Variants in LRRK1 observed in about 807,000 individuals in gnomAD.
LRRK1 encodes the protein leucine-rich repeat serine/threonine-protein kinase 1.
LRRK1 carries 113 observed loss-of-function variants against 209.1 expected under a neutral mutation model. The observed-to-expected ratio is 0.54, with a 90% CI of 0.46 to 0.63. The LOEUF is 0.63. Ranked by LOEUF, LRRK1 falls within the 30% of genes least tolerant of loss-of-function variation. LRRK1 has a pLI of 0.00. For missense variants in LRRK1, 2,284 were observed against 2,632.2 expected (o/e 0.87, Z 2.89); for synonymous variants, 1,144 against 1,099.7 (o/e 1.04, Z -0.80).
intron 3 of LRRK1, among the ~76,000 whole-genome samples, chr15:100,974,922 C>T (rs548814439): frequency 3.4e-4 from 52 of 152,306 alleles, no homozygotes; most frequent in Non-Finnish European, 4.7e-4. Flanking sequence ...TTATTTGCAT[C>T]ACTTTGATTA....
intron 20 of LRRK1, among the ~76,000 whole-genome samples, chr15:101,043,475 A>G (rs1368576390): frequency 6.6e-6 from 1 of 152,084 alleles, no homozygotes; most frequent in Non-Finnish European, 1.5e-5. Context: ...TGTTTACAAC[A>G]TTGCCGGATC....
chr15:100,963,066 G>T (rs1024934316), intron 2 of LRRK1, among the ~76,000 whole-genome samples: 2 of 151,170 alleles, frequency 1.3e-5, no homozygotes, highest in Non-Finnish European at 2.9e-5. Context: ...CAGGTAATCT[G>T]CCGGCCTCGG....
intron 4 of LRRK1, 111 bp from the exon 5 acceptor site, chr15:100,988,523 C>A (rs1372290601): frequency 7.2e-6 from 7 of 969,202 alleles, no homozygotes; most frequent in Non-Finnish European, 1.2e-5. Flanking sequence ...GCAAATGTAC[C>A]ACATTTTATT....
At chr15:101,023,012 C>T (rs1315539527) in intron 15 of LRRK1, among the ~76,000 whole-genome samples, 2 of 152,094 alleles carry the variant, frequency 1.3e-5, no homozygotes, top group African/African-American at 2.4e-5. Context: ...TCCCAGGCCT[C>T]ACCTCACTGC....
rs375606803 is a variant in LRRK1 at position 100,938,997 on chromosome 15, A to T, written c.97+14268A>T. Among the ~76,000 whole-genome samples, 8 of 152,306 alleles carry T rather than the reference A, an allele frequency of 5.3e-5. No individual in the cohort carries two copies. The South Asian group carries it at 1.7e-3, about 32-fold the overall frequency. On this transcript the variant is annotated intron_variant, in intron 2 of 33. Coordinates refer to ENST00000388948, the MANE Select transcript of LRRK1 (RefSeq NM_024652.6). ...AATCCCAGCTACTCGGGAGACTGAG[A>T]CAGGAGAATCGCTTGAACCCAGGAG...
At chr15:101,002,679 G>C (rs1260743599) in intron 6 of LRRK1, among the ~76,000 whole-genome samples, 1 of 152,198 alleles carries the variant, frequency 6.6e-6, no homozygotes, top group Admixed American at 6.5e-5. Context: ...GCTAATGAGG[G>C]CTTCAGGGCT....
chr15:101,002,914 TAG>T (rs1449367799), intron 6 of LRRK1, among the ~76,000 whole-genome samples: 3 of 152,186 alleles, frequency 2.0e-5, no homozygotes, highest in Middle Eastern at 6.8e-3. Context: ...ATATTTTTAG[TAG>T]AGACAGGGTT....
At chr15:100,962,818 T>TACACATATATATATAC (rs1596204775) in intron 2 of LRRK1, among the ~76,000 whole-genome samples, 2 of 33,342 alleles carry the variant, frequency 6.0e-5, no homozygotes, top group African/African-American at 2.2e-4. Context: ...TATATATATA[T>TACACATATATATATAC]ATATATTTTT....
intron 26 of LRRK1, among the ~76,000 whole-genome samples, chr15:101,053,980 ATTC>A (rs986818013): frequency 2.6e-5 from 4 of 152,102 alleles, no homozygotes; most frequent in African/African-American, 7.2e-5. Flanking sequence ...TTTAAACAGA[ATTC>A]TTTACTTTTT....
intron 20 of LRRK1, 96 bp from the exon 21 acceptor site, chr15:101,045,885 C>T: frequency 9.5e-7 from 1 of 1,054,104 alleles, no homozygotes; most frequent in Non-Finnish European, 1.4e-6. Flanking sequence ...GGTGTTCCAG[C>T]ACAGCCTGTC....
At chr15:101,026,498 G>A (rs1054089914) in intron 17 of LRRK1, among the ~76,000 whole-genome samples, 21 of 152,246 alleles carry the variant, frequency 1.4e-4, no homozygotes, top group African/African-American at 5.1e-4. Context: ...TGGGGAGGGA[G>A]GGCCAGTCCT....
In LRRK1 at chr15:101,021,073, G is replaced by A. The variant is rs763899406; in HGVS notation, c.1630G>A (p.Ala544Thr). The change falls in exon 13 of 34, where the codon GCC becomes ACC. Residue 544 changes from alanine to threonine, a missense_variant. Physicochemically the swap from Ala to Thr is moderately conservative, Grantham distance 58 (BLOSUM62 0). Transcript: ENST00000388948. ...TGCAGCAAGTGTGCTGGAATTTCCGGCCTTCCTAAGTGAGTCTTTGGAAGT... is the reference window on the plus strand; with the variant it reads ...TGCAGCAAGTGTGCTGGAATTTCCGACCTTCCTAAGTGAGTCTTTGGAAGT... The part of the protein sequence containing the change: ...TEAASVLEFP[A>T]FLSESLEVLC... 4.3e-6 allele frequency: 7 copies of A among 1,613,982 alleles called. No homozygotes were observed. Among genetic ancestry groups the A allele is most frequent in the Non-Finnish European group, 5.9e-6 (7 of 1,180,006 alleles).
intron 31 of LRRK1, among the ~76,000 whole-genome samples, chr15:101,063,517 C>T (rs1421333906): frequency 6.6e-6 from 1 of 152,250 alleles, no homozygotes; most frequent in Non-Finnish European, 1.5e-5. Flanking sequence ...CCTCCGCCCA[C>T]AGGATTCAGG....
chr15:100,928,710 C>T (rs183981677), intron 2 of LRRK1, among the ~76,000 whole-genome samples: 1 of 152,242 alleles, frequency 6.6e-6, no homozygotes, highest in East Asian at 1.9e-4. Flanking sequence ...TATTTGTGTA[C>T]TAGGCACGCC....
intron 31 of LRRK1, chr15:101,064,810 G>A (rs1461675833): frequency 6.3e-6 from 1 of 159,862 alleles, no homozygotes; most frequent in South Asian, 1.8e-4. Context: ...GCCCTTCCCT[G>A]TGCCAGGCTA....
intron 2 of LRRK1, 136 bp from the exon 3 acceptor site, chr15:100,973,668 G>A: frequency 2.2e-6 from 2 of 909,622 alleles, no homozygotes; most frequent in Non-Finnish European, 1.4e-6. Flanking sequence ...GCGTCGCGGG[G>A]CCACCCCTCT....
intron 9 of LRRK1, among the ~76,000 whole-genome samples, chr15:101,011,452 G>A (rs2033235892): frequency 6.7e-6 from 1 of 149,348 alleles, no homozygotes; most frequent in Non-Finnish European, 1.5e-5. Context: ...CTCCAGTCTG[G>A]TGACAGAGCA....
chr15:101,016,741 T>C (rs944040109), intron 12 of LRRK1, among the ~76,000 whole-genome samples: 6 of 152,296 alleles, frequency 3.9e-5, no homozygotes, highest in African/African-American at 1.2e-4. Context: ...ACTTCAGCCC[T>C]GGACCAGCAG....
At chr15:100,961,509 C>CAG in intron 2 of LRRK1, among the ~76,000 whole-genome samples, 1 of 151,934 alleles carries the variant, frequency 6.6e-6, no homozygotes, top group Non-Finnish European at 1.5e-5. Context: ...AAAAATTAGC[C>CAG]GGGCATGGTG....
Sources: gnomAD v4.1 joint callset for allele counts (sites outside exome capture counted in the v4.1 genomes callset) on GRCh38, gnomAD v4.1.1 for gene constraint, MANE v1.5 for transcripts, NCBI Gene and HGNC (gene_info 2026-07-23, HGNC 2026-07-21) for gene names.